IFT88: variants seen among roughly 807,000 people sequenced by gnomAD.
IFT88 encodes the protein intraflagellar transport 88.
IFT88 carries 74 observed loss-of-function variants against 119.5 expected under a neutral mutation model. The ratio of observed to expected loss-of-function variants is 0.62; its 90% CI spans 0.51 to 0.75. The LOEUF is 0.75. Ranked by LOEUF, IFT88 falls within the 30% of genes least tolerant of loss-of-function variation. The pLI is 0.00. For missense variants in IFT88, 961 were observed against 977.7 expected (o/e 0.98, Z 0.23); for synonymous variants, 279 against 316.7 (o/e 0.88, Z 1.26).
intron 13 of IFT88, among the ~76,000 whole-genome samples, chr13:20,609,350 G>A (rs1463942756): frequency 2.0e-5 from 3 of 152,144 alleles, no homozygotes; most frequent in Non-Finnish European, 4.4e-5. Context: ...CGGCGTTTTG[G>A]TTCCCTGACC....
chr13:20,649,851 C>T (rs903832240), intron 20 of IFT88, among the ~76,000 whole-genome samples: 1 of 152,010 alleles, frequency 6.6e-6, no homozygotes, highest in Non-Finnish European at 1.5e-5. Context: ...TATAAGAAAA[C>T]AACCTTGCCT....
At position 20,574,429 on chromosome 13, in the gene IFT88, A is replaced by T; in HGVS notation, c.44A>T (p.Asp15Val). 1 of 1,612,278 alleles carries T rather than the reference A, an allele frequency of 6.2e-7. No individual in the cohort carries two copies. The highest frequency in any genetic ancestry group is 8.5e-7 in the Non-Finnish European group (1 of 1,178,858). Reference sequence around the variant, plus strand: ...CTGGCTCCAGAGACAGATGAAGATGATCTTTATTCCGGCTATAATGACTAC... The same window carrying T: ...CTGGCTCCAGAGACAGATGAAGATGTTCTTTATTCCGGCTATAATGACTAC... ...VHLAPETDED[D>V]LYSGYNDYNP... The change falls in exon 2 of 26, where the codon GAT (aspartate) becomes GTT (valine). Residue 15 changes from aspartate to valine, a missense_variant. Transcript: ENST00000351808.
At chr13:20,621,175 TCGTACCTC>T (rs1242179078) in intron 14 of IFT88, among the ~76,000 whole-genome samples, 7 of 152,096 alleles carry the variant, frequency 4.6e-5, no homozygotes, top group Non-Finnish European at 8.8e-5. Flanking sequence ...CAAGAAATTC[TCGTACCTC>T]AGCCTCCCAA....
intron 15 of IFT88, 141 bp from the exon 16 acceptor site, chr13:20,630,875 C>T: frequency 8.3e-6 from 4 of 484,618 alleles, no homozygotes; most frequent in East Asian, 3.1e-5. Context: ...TTCTTGTAAT[C>T]TGTTTTCTTG....
rs371474631 is a variant in IFT88, at chr13:20,615,749, T to C, written c.1113-44T>C. 157 of 1,151,020 alleles carry C rather than the reference T, an allele frequency of 1.4e-4. 1 individual carries two copies. The African/African-American group carries it at 1.7e-3, about 12-fold the overall frequency. The allele number at this position is 1,151,020 out of a possible 1,614,324, so 71.3% of individuals were successfully genotyped here. On this transcript the variant is annotated intron_variant, in intron 13 of 25. Coordinates refer to ENST00000351808, the MANE Select transcript of IFT88 (RefSeq NM_006531.5). Reference sequence around the variant, plus strand: ...AAATTTTAGGAAATCCAAACTATTTTATACTGTATCTCTAAATACAACTTT... The same window carrying C: ...AAATTTTAGGAAATCCAAACTATTTCATACTGTATCTCTAAATACAACTTT...
chr13:20,570,699 A>G (rs954109276), intron 1 of IFT88, among the ~76,000 whole-genome samples: 1 of 152,170 alleles, frequency 6.6e-6, no homozygotes, highest in Non-Finnish European at 1.5e-5. Context: ...GGACTGGGGA[A>G]AGGGAAGGGA....
At chr13:20,646,075 A>G (rs928828096) in intron 20 of IFT88, among the ~76,000 whole-genome samples, 3 of 152,186 alleles carry the variant, frequency 2.0e-5, no homozygotes, top group African/African-American at 7.2e-5. Flanking sequence ...TCAGTCCGCC[A>G]CTGTTCCATT....
intron 20 of IFT88, among the ~76,000 whole-genome samples, chr13:20,650,373 C>T (rs980341436): frequency 1.3e-5 from 2 of 152,132 alleles, no homozygotes; most frequent in African/African-American, 2.4e-5. Flanking sequence ...AAAAAACCCA[C>T]GTGATCAGCT....
At chr13:20,618,680 T>G (rs2046025298) in intron 14 of IFT88, among the ~76,000 whole-genome samples, 1 of 152,184 alleles carries the variant, frequency 6.6e-6, no homozygotes, top group Non-Finnish European at 1.5e-5. Context: ...TATATTTTTT[T>G]AATGCTCTCC....
At chr13:20,652,832 CAG>C (rs2052010655) in intron 20 of IFT88, among the ~76,000 whole-genome samples, 1 of 152,114 alleles carries the variant, frequency 6.6e-6, no homozygotes, top group Non-Finnish European at 1.5e-5. Context: ...GTGGCATTAG[CAG>C]AGAGTAAAGA....
At chr13:20,613,852 G>A (rs900014796) in intron 13 of IFT88, among the ~76,000 whole-genome samples, 5 of 152,054 alleles carry the variant, frequency 3.3e-5, no homozygotes, top group African/African-American at 1.2e-4. Flanking sequence ...CAATACAGAT[G>A]AACCTTGAAA....
At chr13:20,598,085 GA>G (rs1009473097) in intron 9 of IFT88, among the ~76,000 whole-genome samples, 2 of 151,824 alleles carry the variant, frequency 1.3e-5, no homozygotes, top group Non-Finnish European at 2.9e-5. Context: ...AAACACATAG[GA>G]AAAAAAGGGC....
chr13:20,639,574 G>A, intron 17 of IFT88, among the ~76,000 whole-genome samples: 1 of 152,176 alleles, frequency 6.6e-6, no homozygotes, highest in East Asian at 1.9e-4. Flanking sequence ...GTCATAGAAG[G>A]AAGGGAGGCT....
chr13:20,591,140 G>A, intron 5 of IFT88, 120 bp downstream of exon 5: 1 of 683,872 alleles, frequency 1.5e-6, no homozygotes, highest in South Asian at 1.9e-5. Context: ...CTTATATAGT[G>A]ACCCAGATTC....
At chr13:20,619,269 A>T (rs2046135343) in intron 14 of IFT88, among the ~76,000 whole-genome samples, 1 of 152,214 alleles carries the variant, frequency 6.6e-6, no homozygotes, top group Non-Finnish European at 1.5e-5. Context: ...ACCCTAATAA[A>T]TAAAATTTAA....
chr13:20,641,472 G>A, intron 18 of IFT88, 74 bp downstream of exon 18: 3 of 859,470 alleles, frequency 3.5e-6, no homozygotes, highest in Non-Finnish European at 5.6e-6. Flanking sequence ...TATTAAATAA[G>A]TTTAACTAAT....
chr13:20,614,534 G>A (rs1390586616), intron 13 of IFT88: 1 of 152,154 alleles, frequency 6.6e-6, no homozygotes, highest in African/African-American at 2.4e-5. Context: ...TAGAACTGGA[G>A]ATCAGATTAA....
chr13:20,661,399 T>C (rs946811668), intron 22 of IFT88, among the ~76,000 whole-genome samples: 7 of 152,116 alleles, frequency 4.6e-5, no homozygotes, highest in Admixed American at 3.9e-4. Flanking sequence ...AGATTGAAGA[T>C]GTGTTTTCTT....
Position 20,640,400 on chromosome 13 carries a change from C to A in IFT88, c.1574-890C>A, listed in dbSNP as rs374364135. Among the ~76,000 whole-genome samples, 13 of 151,438 alleles carry A rather than the reference C, an allele frequency of 8.6e-5. No homozygotes were observed. In the South Asian group the frequency reaches 2.7e-3, roughly 32 times the overall value. Reference sequence around the variant, plus strand: ...CATCCTGGCTAACACAGTGAAACCCCGTCTCTACTAAAAATATAAAAAATT... The same window carrying A: ...CATCCTGGCTAACACAGTGAAACCCAGTCTCTACTAAAAATATAAAAAATT... On this transcript the variant is annotated intron_variant, in intron 17 of 25. Coordinates refer to ENST00000351808, the MANE Select transcript of IFT88 (RefSeq NM_006531.5).
Sources: gnomAD v4.1 joint callset for allele counts (sites outside exome capture counted in the v4.1 genomes callset) on GRCh38, gnomAD v4.1.1 for gene constraint, MANE v1.5 for transcripts, NCBI Gene and HGNC (gene_info 2026-07-23, HGNC 2026-07-21) for gene names.